The following RCSD1 variants were observed in gnomAD, a reference collection of about 807,000 sequenced individuals.
RCSD1 encodes the protein capZ-interacting protein.
A neutral mutation model predicts 42.5 loss-of-function variants in RCSD1; 26 were observed. The ratio of observed to expected loss-of-function variants is 0.61; its 90% CI spans 0.45 to 0.85. The LOEUF is 0.85. Among genes scored for constraint, RCSD1 ranks in the 40% least tolerant of loss-of-function variants. The probability of loss-of-function intolerance (pLI) is 0.00; values close to 1 mark genes in which losing one functional copy is unlikely to be tolerated. For synonymous variants in RCSD1, 220 were observed against 212.2 expected, an observed-to-expected ratio of 1.04 and a Z score of -0.32; for missense variants, 571 against 528.3, an observed-to-expected ratio of 1.08 and a Z score of -0.79.
intron 4 of RCSD1, among the ~76,000 whole-genome samples, chr1:167,692,370 C>T (rs890177322): frequency 2.0e-5 from 3 of 152,182 alleles, no homozygotes; most frequent in African/African-American, 7.2e-5. Flanking sequence ...GAGGGAATTT[C>T]TCTGCTTGAA....
At chr1:167,701,252 G>GTTTGTTTCTTTC (rs1276194168) in intron 6 of RCSD1, among the ~76,000 whole-genome samples, 8 of 96,138 alleles carry the variant, frequency 8.3e-5, no homozygotes, top group Admixed American at 3.5e-4. Flanking sequence ...CAATTGCCTA[G>GTTTGTTTCTTTC]TTTCTTTCTT....
chr1:167,703,435 C>T (rs1292255257), intron 6 of RCSD1, among the ~76,000 whole-genome samples: 2 of 152,196 alleles, frequency 1.3e-5, no homozygotes, highest in East Asian at 3.8e-4. Context: ...ATGAGGATCG[C>T]TGGAGCCCAG....
At chr1:167,690,935 C>T (rs1208901846) in intron 4 of RCSD1, among the ~76,000 whole-genome samples, 1 of 152,160 alleles carries the variant, frequency 6.6e-6, no homozygotes, top group African/African-American at 2.4e-5. Context: ...CTGGCTGGCT[C>T]CCTGGGACTG....
In RCSD1 at chr1:167,631,309, T is replaced by C. The variant is rs576303126; in HGVS notation, c.6+880T>C. 5.3e-5 allele frequency among the ~76,000 whole-genome samples: 8 copies of C among 152,334 alleles called. No individual in the cohort carries two copies. In the East Asian group the frequency reaches 9.6e-4, roughly 18 times the overall value. On this transcript the variant is annotated intron_variant, in intron 1 of 6. Coordinates refer to ENST00000367854, the MANE Select transcript of RCSD1 (RefSeq NM_052862.4). The stretch of plus-strand genomic sequence containing the variant: ...ATATGTAGCCCTAAGTCAATCTTAG[T>C]AGGACCTGGGGCTTTTGAGAAGATG...
intron 3 of RCSD1, among the ~76,000 whole-genome samples, chr1:167,687,075 C>T (rs1659251349): frequency 6.6e-6 from 1 of 152,164 alleles, no homozygotes; most frequent in Non-Finnish European, 1.5e-5. Flanking sequence ...AGGTTTCACC[C>T]CATGGGGCAC....
intron 3 of RCSD1, among the ~76,000 whole-genome samples, chr1:167,687,260 C>A (rs1227194447): frequency 6.6e-6 from 1 of 152,200 alleles, no homozygotes; most frequent in East Asian, 1.9e-4. Flanking sequence ...CGTAGTGGCT[C>A]ACGCCTGTAA....
intron 1 of RCSD1, among the ~76,000 whole-genome samples, chr1:167,650,542 C>A (rs999343519): frequency 6.6e-6 from 1 of 152,120 alleles, no homozygotes; most frequent in Admixed American, 6.5e-5. Context: ...GGCCTGGTAC[C>A]CCAGAGGCCT....
intron 1 of RCSD1, chr1:167,664,113 T>C (rs1658599220): frequency 6.6e-6 from 1 of 152,238 alleles, no homozygotes; most frequent in Non-Finnish European, 1.5e-5. Flanking sequence ...ATCCTCATTT[T>C]ACAGATGAGA....
At chr1:167,703,842 C>T (rs924962259) in intron 6 of RCSD1, among the ~76,000 whole-genome samples, 12 of 152,204 alleles carry the variant, frequency 7.9e-5, no homozygotes, top group Non-Finnish European at 5.9e-5. Flanking sequence ...GCACTGCCAG[C>T]TGAAATTGCC....
chr1:167,681,744 A>T (rs2102229874), intron 1 of RCSD1, among the ~76,000 whole-genome samples: 1 of 152,338 alleles, frequency 6.6e-6, no homozygotes, highest in Non-Finnish European at 1.5e-5. Flanking sequence ...CTGATCTGTG[A>T]TGTGGGCAAG....
At chr1:167,692,472 C>T (rs750195680) in intron 4 of RCSD1, among the ~76,000 whole-genome samples, 3 of 152,084 alleles carry the variant, frequency 2.0e-5, no homozygotes, top group African/African-American at 4.8e-5. Flanking sequence ...TGCACGGCAA[C>T]TATGCTCCAA....
chr1:167,686,559 C>A (rs942416710), intron 3 of RCSD1, among the ~76,000 whole-genome samples: 9 of 152,296 alleles, frequency 5.9e-5, no homozygotes, highest in African/African-American at 1.9e-4. Context: ...GGCCTGGAGC[C>A]CCAAATGCTC....
chr1:167,653,916 G>C (rs1179737695), intron 1 of RCSD1, among the ~76,000 whole-genome samples: 2 of 152,300 alleles, frequency 1.3e-5, no homozygotes, highest in East Asian at 3.9e-4. Context: ...GAAGGCTGCA[G>C]GAAGTCCCTG....
At position 167,663,026 on chromosome 1, in the gene RCSD1, AG is replaced by A. The variant is rs1658573785; in HGVS notation, c.7-20872del. Reference sequence around the variant, plus strand: ...CCCCTCATCTCACAGATGAAGCAGAAGGTCATCAGGGCCAGTGAGTTCACGC... The same window carrying A: ...CCCCTCATCTCACAGATGAAGCAGAAGTCATCAGGGCCAGTGAGTTCACGC... On this transcript the variant is annotated intron_variant, in intron 1 of 6. Coordinates refer to ENST00000367854, the MANE Select transcript of RCSD1 (RefSeq NM_052862.4). Among the ~76,000 whole-genome samples, 3 of 152,146 alleles carry A rather than the reference AG, an allele frequency of 2.0e-5. No individual in the cohort carries two copies. In the South Asian group the frequency reaches 6.2e-4, roughly 32 times the overall value.
chr1:167,675,478 C>T (rs1459105525), intron 1 of RCSD1, among the ~76,000 whole-genome samples: 2 of 152,084 alleles, frequency 1.3e-5, no homozygotes, highest in Admixed American at 6.5e-5. Context: ...CAATTACCTC[C>T]CACCTGGTCC....
intron 1 of RCSD1, among the ~76,000 whole-genome samples, chr1:167,635,190 C>T (rs1248408755): frequency 6.6e-6 from 1 of 152,104 alleles, no homozygotes; most frequent in African/African-American, 2.4e-5. Context: ...GACCCACCCA[C>T]CCTCTCACTG....
chr1:167,690,393 T>C (rs934063624), intron 4 of RCSD1, among the ~76,000 whole-genome samples: 2 of 152,078 alleles, frequency 1.3e-5, no homozygotes, highest in Admixed American at 6.6e-5. Context: ...CTCAAGAGTC[T>C]GTATGGGGCT....
rs757551808 is a variant in RCSD1 at position 167,689,480 on chromosome 1, CAAAAA to C, written c.199-556_199-552del. On this transcript the variant is annotated intron_variant, in intron 3 of 6. Coordinates refer to ENST00000367854, the MANE Select transcript of RCSD1 (RefSeq NM_052862.4). ...TTGAGGAACAAGCAGGACTCTGTCT[CAAAAA>C]AAAAAAAAAAAAGAAAAGAAAAGAA... Among the ~76,000 whole-genome samples, 20 of 82,956 alleles carry C rather than the reference CAAAAA, an allele frequency of 2.4e-4. No individual in the cohort carries two copies. The South Asian group carries it at 5.0e-3, about 21-fold the overall frequency. 54.4% of individuals were successfully genotyped at this position (82,956 alleles called of 152,430 possible). A position where few individuals can be genotyped will look rare whatever the true frequency, so the allele number is the denominator to read the frequency against.
rs75315072 is a variant in RCSD1, at chr1:167,705,500, G to A, written c.*804G>A. 0.019 allele frequency: 2,879 copies of A among 152,240 alleles called. 52 individuals carry two copies. Among genetic ancestry groups the A allele is most frequent in the Non-Finnish European group, 0.032 (2,168 of 68,016 alleles). 9.4% of individuals were successfully genotyped at this position (152,240 alleles called of 1,614,324 possible). ...GGCAGGAGGTTTCATGTCCCGCGTTGCATCTCCTCCTGAAAGAAAAGCAGT... is the reference window on the plus strand; with the variant it reads ...GGCAGGAGGTTTCATGTCCCGCGTTACATCTCCTCCTGAAAGAAAAGCAGT... On this transcript the variant is annotated 3_prime_UTR_variant, in exon 7 of 7. Transcript: ENST00000367854.
Sources: gnomAD v4.1 joint callset for allele counts (sites outside exome capture counted in the v4.1 genomes callset) on GRCh38, gnomAD v4.1.1 for gene constraint, MANE v1.5 for transcripts, NCBI Gene and HGNC (gene_info 2026-07-23, HGNC 2026-07-21) for gene names.